C1QL3: variants seen among roughly 807,000 people sequenced by gnomAD.
The protein encoded by C1QL3 is complement C1q-like protein 3.
A neutral mutation model predicts 16.6 loss-of-function variants in C1QL3; 4 were observed. That is an observed-to-expected ratio of 0.24 (90% CI 0.12 to 0.55). C1QL3 has a LOEUF of 0.55. C1QL3 is among the 20% of genes least tolerant of loss of function. The pLI, the probability that C1QL3 is intolerant of heterozygous loss-of-function variation, is 0.94. For synonymous variants in C1QL3, 189 were observed against 160.2 expected, an observed-to-expected ratio of 1.18 and a Z score of -1.36; for missense variants, 269 against 365.6, an observed-to-expected ratio of 0.74 and a Z score of 2.16.
chr10:16,514,173 A>T lies in C1QL3; in HGVS notation c.*355T>A. 2 of 399,586 alleles carry T rather than the reference A, an allele frequency of 5.0e-6. 1 individual carries two copies. Among genetic ancestry groups the T allele is most frequent in the Admixed American group, 8.7e-5 (2 of 22,880 alleles). 24.8% of individuals were successfully genotyped at this position (399,586 alleles called of 1,614,324 possible). ...CAAGAACCAAAGCTGACATATGGATAAAAGCAGCAAGATCACAGTACACCA... is the reference window on the plus strand; with the variant it reads ...CAAGAACCAAAGCTGACATATGGATTAAAGCAGCAAGATCACAGTACACCA... On this transcript the variant is annotated 3_prime_UTR_variant, in exon 2 of 2. Coordinates refer to ENST00000298943, the MANE Select transcript of C1QL3 (RefSeq NM_001010908.2).
chr10:16,514,316 G>A lies in C1QL3; in HGVS notation c.*212C>T, dbSNP rs931235961. On this transcript the variant is annotated 3_prime_UTR_variant, in exon 2 of 2. Transcript: ENST00000298943. The stretch of plus-strand genomic sequence containing the variant: ...ACGATAAGGAGTATTTGCTTTGGCG[G>A]TAGTGGATCACACATCTGCTTATCT... 1 of 576,308 alleles carries A rather than the reference G, an allele frequency of 1.7e-6. No individual in the cohort carries two copies. The highest frequency in any genetic ancestry group is 3.1e-6 in the Non-Finnish European group (1 of 326,334). The allele number at this position is 576,308 out of a possible 1,614,324, so 35.7% of individuals were successfully genotyped here.
At chr10:16,517,058 C>T (rs1180919288) in intron 1 of C1QL3, among the ~76,000 whole-genome samples, 1 of 152,176 alleles carries the variant, frequency 6.6e-6, no homozygotes, top group Non-Finnish European at 1.5e-5. Flanking sequence ...ACAATTCTTT[C>T]AAGCCATCAA....
intron 1 of C1QL3, among the ~76,000 whole-genome samples, chr10:16,515,564 G>C (rs1180711438): frequency 6.6e-6 from 1 of 152,164 alleles, no homozygotes; most frequent in Admixed American, 6.5e-5. Flanking sequence ...TTTGAGGGCA[G>C]AGGCTGCTTA....
chr10:16,518,115 G>A lies in C1QL3; in HGVS notation c.588+2363C>T, dbSNP rs144376383. ...TTAAGTCAGCTCAGAGAGGGAACCT[G>A]CCATTCTAAGAAGTGATCAGACCAG... On this transcript the variant is annotated intron_variant, in intron 1 of 1. Coordinates refer to ENST00000298943, the MANE Select transcript of C1QL3 (RefSeq NM_001010908.2). Among the ~76,000 whole-genome samples, 673 of 152,282 alleles carry A rather than the reference G, an allele frequency of 4.4e-3. 8 individuals carry two copies. The highest frequency in any genetic ancestry group is 0.015 in the African/African-American group (639 of 41,552).
chr10:16,521,411 G>A lies in C1QL3; in HGVS notation c.-346C>T. 1 of 187,670 alleles carries A rather than the reference G, an allele frequency of 5.3e-6. No individual in the cohort carries two copies. Among genetic ancestry groups the A allele is most frequent in the Non-Finnish European group, 1.1e-5 (1 of 91,624 alleles). 11.6% of individuals were successfully genotyped at this position (187,670 alleles called of 1,614,324 possible). A position where few individuals can be genotyped will look rare whatever the true frequency, so the allele number is the denominator to read the frequency against. On this transcript the variant is annotated 5_prime_UTR_variant, in exon 1 of 2. Transcript: ENST00000298943. ...CTTCGCACCTGTGGCTGCAGCCGGC[G>A]CCGGCGCGGCCACCGGGAGGGCAGA... is the stretch of plus-strand genomic sequence containing the variant.
At chr10:16,519,260 A>G (rs1234877114) in intron 1 of C1QL3, among the ~76,000 whole-genome samples, 1 of 150,574 alleles carries the variant, frequency 6.6e-6, no homozygotes, top group Non-Finnish European at 1.5e-5. Flanking sequence ...GAATCTCTGA[A>G]TGTCCAGGGG....
chr10:16,516,268 C>G (rs1030798141), intron 1 of C1QL3, among the ~76,000 whole-genome samples: 1 of 152,078 alleles, frequency 6.6e-6, no homozygotes, highest in Non-Finnish European at 1.5e-5. Context: ...GTAAAGTGGT[C>G]CGTTTTGACC....
intron 1 of C1QL3, 128 bp from the exon 2 acceptor site, chr10:16,514,835 T>C: frequency 1.5e-6 from 1 of 675,380 alleles, no homozygotes; most frequent in Non-Finnish European, 2.5e-6. Context: ...AAGTCCATGT[T>C]GACCTCAGAG....
At chr10:16,519,139 A>ATTTTTTTTTTTTTTTTTTT (rs1385047282) in intron 1 of C1QL3, among the ~76,000 whole-genome samples, 16 of 26,132 alleles carry the variant, frequency 6.1e-4, no homozygotes, top group African/African-American at 9.7e-4. Context: ...CGCATTTAGG[A>ATTTTTTTTTTTTTTTTTTT]CTTTTTTTTT....
Position 16,520,577 on chromosome 10 carries a change from G to C in C1QL3, c.489C>G (p.Phe163Leu). The C allele has an allele frequency of 6.2e-7, 1 of 1,613,734 alleles. No homozygotes were observed. The highest frequency in any genetic ancestry group is 1.1e-5 in the South Asian group (1 of 91,068). The change falls in exon 1 of 2, where the codon TTC (phenylalanine) becomes TTG (leucine). Residue 163 changes from phenylalanine to leucine, a missense_variant. By Grantham distance (22) the Phe-to-Leu change is conservative. Around this residue, in one of 2 missense-constraint regions of C1QL3, gnomAD observed 246 missense variants for 297.2 expected, o/e 0.83. Coordinates refer to ENST00000298943, the MANE Select transcript of C1QL3 (RefSeq NM_001010908.2). The surrounding 1 kb of genome is among the most constrained non-coding windows in gnomAD (Gnocchi z 8.3). ...GNHYDPTTGK[F>L]TCSIPGIYFF... ...AGTAGATGCCCGGGATGGAGCAGGT[G>C]AACTTGCCGGTGGTGGGGTCGTAGT...
At position 16,520,155 on chromosome 10, in the gene C1QL3, G is replaced by T. The variant is rs1315014499; in HGVS notation, c.588+323C>A. ...CCCACGGCCAGGGGTCGCTTCCCGC[G>T]CCGGGACTCCCCAGCGCACGAGCTG... On this transcript the variant is annotated intron_variant, in intron 1 of 1. Coordinates refer to ENST00000298943, the MANE Select transcript of C1QL3 (RefSeq NM_001010908.2). The surrounding 1 kb of genome is among the most constrained non-coding windows in gnomAD (Gnocchi z 8.3). 1.3e-5 allele frequency among the ~76,000 whole-genome samples: 2 copies of T among 152,108 alleles called. No individual in the cohort carries two copies. Among genetic ancestry groups the T allele is most frequent in the African/African-American group, 4.8e-5 (2 of 41,416 alleles).
Position 16,520,773 on chromosome 10 carries a change from C to T in C1QL3, c.293G>A (p.Arg98His), listed in dbSNP as rs561906962. Reference protein sequence around the residue: ...GPPGEKGEPGRQGLPGPPGAP... With the variant: ...GPPGEKGEPGHQGLPGPPGAP... ...CCCGGGCGGGCCCGGCAGGCCTTGG[C>T]GGCCCGGCTCGCCCTTCTCGCCCGG... Residue 98 changes from arginine to histidine, a missense_variant, in exon 1 of 2, where the codon CGC (arginine) becomes CAC (histidine). Physicochemically the swap from Arg to His is conservative, Grantham distance 29. Transcript: ENST00000298943. The surrounding 1 kb of genome is among the most constrained non-coding windows in gnomAD (Gnocchi z 8.3). The T allele has an allele frequency of 4.6e-6, 6 of 1,305,070 alleles. No individual in the cohort carries two copies. Among genetic ancestry groups the T allele is most frequent in the East Asian group, 6.3e-5 (2 of 31,752 alleles). 80.8% of individuals were successfully genotyped at this position (1,305,070 alleles called of 1,614,324 possible).
chr10:16,515,645 A>G (rs1836939091), intron 1 of C1QL3, among the ~76,000 whole-genome samples: 1 of 152,190 alleles, frequency 6.6e-6, no homozygotes, highest in South Asian at 2.1e-4. Flanking sequence ...CAAATTGCCT[A>G]TCATCTCATG....
In C1QL3 at chr10:16,520,920, C is replaced by G; in HGVS notation, c.146G>C (p.Arg49Pro). The G allele has an allele frequency of 6.4e-7, 1 of 1,562,056 alleles. No homozygotes were observed. The highest frequency in any genetic ancestry group is 8.6e-7 in the Non-Finnish European group (1 of 1,162,496). Residue 49 changes from arginine to proline, a missense_variant, in exon 1 of 2, where the codon CGC becomes CCC. Arg to Pro is a moderately radical substitution (Grantham distance 103). This residue lies in a region of C1QL3 where 246 missense variants were observed against 297.2 expected (regional missense o/e 0.83). Transcript: ENST00000298943. This position sits in a 1 kb window ranked among gnomAD's most constrained non-coding sequence, Gnocchi z 8.3. ...GGTGGGCAGGGACTGCATGAGGCCGCGGTCGGGCGTGGCAGCGGTGCTGGG... is the reference window on the plus strand; with the variant it reads ...GGTGGGCAGGGACTGCATGAGGCCGGGGTCGGGCGTGGCAGCGGTGCTGGG... ...KAPSTAATPD[R>P]GLMQSLPTFI...
intron 1 of C1QL3, among the ~76,000 whole-genome samples, chr10:16,517,852 TAAAC>T (rs1359927675): frequency 1.3e-5 from 2 of 152,230 alleles, no homozygotes; most frequent in African/African-American, 2.4e-5. Flanking sequence ...TGTGGAATCA[TAAAC>T]AAAAGGTTAA....
At chr10:16,516,067 A>T (rs1237506599) in intron 1 of C1QL3, among the ~76,000 whole-genome samples, 3 of 152,212 alleles carry the variant, frequency 2.0e-5, no homozygotes, top group Non-Finnish European at 4.4e-5. Flanking sequence ...ACTCTTTAAC[A>T]CTGCTGAACT....
Position 16,516,717 on chromosome 10 carries a change from G to T in C1QL3, c.589-2010C>A, listed in dbSNP as rs1399581138. On this transcript the variant is annotated intron_variant, in intron 1 of 1. Coordinates refer to ENST00000298943, the MANE Select transcript of C1QL3 (RefSeq NM_001010908.2). ...TATAATGCCATTTTTATTCTCCAGG[G>T]TGTAACCACAAAACCGAGTGAACGT... Among the ~76,000 whole-genome samples the T allele has an allele frequency of 5.3e-5, 8 of 152,230 alleles. No homozygotes were observed. The East Asian group carries it at 1.4e-3, about 26-fold the overall frequency.
chr10:16,516,292 G>A (rs968679980), intron 1 of C1QL3, among the ~76,000 whole-genome samples: 1 of 152,102 alleles, frequency 6.6e-6, no homozygotes, highest in Non-Finnish European at 1.5e-5. Context: ...AAATAATGAC[G>A]CAGTTTGACT....
chr10:16,515,585 A>G (rs1259405763), intron 1 of C1QL3, among the ~76,000 whole-genome samples: 1 of 152,178 alleles, frequency 6.6e-6, no homozygotes, highest in African/African-American at 2.4e-5. Flanking sequence ...TAATCTGCCC[A>G]TGGTAAGCCT....
Sources: gnomAD v4.1 joint callset for allele counts (sites outside exome capture counted in the v4.1 genomes callset) on GRCh38, gnomAD v4.1.1 for gene constraint, gnomAD v4.1.1 regional missense constraint, Gnocchi (gnomAD v3.1) non-coding constraint, MANE v1.5 for transcripts, NCBI Gene and HGNC (gene_info 2026-07-23, HGNC 2026-07-21) for gene names.